LAS1L: variants seen among roughly 807,000 people sequenced by gnomAD.
LAS1L encodes the protein ribosomal biogenesis protein LAS1L.
In LAS1L, 5 loss-of-function variants were observed where a neutral mutation model predicts 57.3. That is an observed-to-expected ratio of 0.09 (90% CI 0.05 to 0.18). The LOEUF (loss-of-function observed/expected upper bound fraction) is 0.18, where lower values mean the gene tolerates loss of function less well. Among genes scored for constraint, LAS1L ranks in the 10% least tolerant of loss-of-function variants. The pLI, the probability that LAS1L is intolerant of heterozygous loss-of-function variation, is 1.00. For missense variants in LAS1L, 360 were observed against 568.3 expected (o/e 0.63, Z 3.73); for synonymous variants, 245 against 231.7 (o/e 1.06, Z -0.52).
At position 65,534,530 on chromosome X, in the gene LAS1L, G is replaced by A. The variant is rs751173128; in HGVS notation, c.186C>T (p.Asp62=). ...TAAGCGCGTACCGCTGCAACTTATG[G>A]TCGTCACAGAACAGATAAACCGTCA... is the stretch of plus-strand genomic sequence containing the variant. ...DQVTVYLFCD[D]HKLQRYALNR... The change falls in exon 1 of 14, where the codon GAC becomes GAT. Residue 62 remains aspartate (D), a synonymous_variant. Transcript: ENST00000374811. The A allele has an allele frequency of 1.2e-5, 14 of 1,207,396 alleles. No homozygotes were observed. The highest frequency in any genetic ancestry group is 1.5e-5 in the Non-Finnish European group (13 of 893,912).
chrX:65,530,395 G>A (rs2069409997), intron 4 of LAS1L, among the ~76,000 whole-genome samples: 1 of 111,712 alleles, frequency 9.0e-6, no homozygotes, highest in Non-Finnish European at 1.9e-5. Context: ...TTTAAGGGGA[G>A]TGGCCGGGCA....
Position 65,528,270 on chromosome X carries a change from A to G in LAS1L, c.946T>C (p.Cys316Arg). ...TACCTAGTTACACACCTGTTCTCGC[A>G]TGTAACGCCCTTGAGCTCTGCCAGG... ...CVLAELKGVT[C>R]ENREAVLDAF... is the part of the protein sequence containing the mutation. The change falls in exon 7 of 14, where the codon TGC becomes CGC. Residue 316 changes from cysteine to arginine, a missense_variant. Transcript: ENST00000374811. 8.4e-7 allele frequency: 1 copy of G among 1,187,848 alleles called. No individual in the cohort carries two copies.
intron 2 of LAS1L, 111 bp from the exon 3 acceptor site, chrX:65,532,741 C>T (rs1476500427): frequency 5.7e-6 from 3 of 527,409 alleles, no homozygotes; most frequent in Non-Finnish European, 1.0e-5. Context: ...CTGTCCTGTC[C>T]TATTCCTACA....
intron 13 of LAS1L, 81 bp downstream of exon 13, chrX:65,514,742 C>A: frequency 2.0e-6 from 2 of 986,274 alleles, no homozygotes; most frequent in Non-Finnish European, 2.7e-6. Flanking sequence ...CTACCTCCCC[C>A]ACCCACCTCA....
In LAS1L at chrX:65,523,847, G is replaced by C. The variant is rs1423225034; in HGVS notation, c.1301-140C>G. On this transcript the variant is annotated intron_variant, in intron 10 of 13. Transcript: ENST00000374811. ...CTCCCAACTGCTCAAAGAATTCAGG[G>C]CACTTTGCCCCAGCCCAGTTTAGTT... 9 of 808,605 alleles carry C rather than the reference G, an allele frequency of 1.1e-5. No homozygotes were observed. The East Asian group carries it at 2.8e-4, about 25-fold the overall frequency. 66.6% of individuals were successfully genotyped at this position (808,605 alleles called of 1,213,427 possible).
At chrX:65,525,556 C>T (rs1479041676) in intron 7 of LAS1L, among the ~76,000 whole-genome samples, 2 of 109,336 alleles carry the variant, frequency 1.8e-5, no homozygotes, top group Non-Finnish European at 3.8e-5. Context: ...CAAATATGGT[C>T]CATAGGCCTT....
intron 13 of LAS1L, 21 bp from the exon 14 acceptor site, chrX:65,512,922 C>G: frequency 8.6e-7 from 1 of 1,158,271 alleles, no homozygotes; most frequent in Non-Finnish European, 1.2e-6. Context: ...AGTGGGAGGT[C>G]AGTCAGGGAA....
chrX:65,517,361 C>T (rs1170127891), intron 12 of LAS1L, among the ~76,000 whole-genome samples: 4 of 109,778 alleles, frequency 3.6e-5, no homozygotes, highest in East Asian at 5.7e-4. Flanking sequence ...CATTCTCCTG[C>T]CTCAGCCTCC....
rs1458398857 is a variant in LAS1L at position 65,514,958 on chromosome X, T to C, written c.1943A>G (p.Asp648Gly). 1 of 1,206,638 alleles carries C rather than the reference T, an allele frequency of 8.3e-7. No homozygotes were observed. Among genetic ancestry groups the C allele is most frequent in the Non-Finnish European group, 1.1e-6 (1 of 893,564 alleles). Residue 648 changes from aspartate (D) to glycine (G), a missense_variant, in exon 13 of 14, where the codon GAC (aspartate) becomes GGC (glycine). Transcript: ENST00000374811. ...WQVSSEDVRW[D>G]TFPLGRMPGQ... is the part of the protein sequence containing the mutation. ...TGGCATTCGGCCTAGGGGAAATGTG[T>C]CCCATCGCACGTCTTCTGTGGAGCA...
chrX:65,534,011 T>A (rs1456029134), intron 1 of LAS1L, among the ~76,000 whole-genome samples: 1 of 111,318 alleles, frequency 9.0e-6, no homozygotes, highest in Non-Finnish European at 1.9e-5. Context: ...CACCCCCAAA[T>A]CAACTCATTG....
At chrX:65,513,078 C>T (rs1437276947) in intron 13 of LAS1L, among the ~76,000 whole-genome samples, 177 bp from the exon 14 acceptor site, 1 of 112,197 alleles carries the variant, frequency 8.9e-6, no homozygotes, top group Non-Finnish European at 1.9e-5. Flanking sequence ...TGACTTGGCC[C>T]TCTCCTCAGT....
chrX:65,533,003 T>C (rs1275538042), intron 2 of LAS1L, among the ~76,000 whole-genome samples: 1 of 111,828 alleles, frequency 8.9e-6, no homozygotes, highest in Non-Finnish European at 1.9e-5. Flanking sequence ...AAAGGGAGGA[T>C]CTCAAGGCAG....
At chrX:65,520,728 ATG>A in intron 11 of LAS1L, 1 of 754,233 alleles carries the variant, frequency 1.3e-6, no homozygotes, top group Non-Finnish European at 1.6e-6. Flanking sequence ...TACTGCCGGC[ATG>A]TGTCGCATCC....
chrX:65,516,274 CAG>C (rs1334479353), intron 12 of LAS1L, among the ~76,000 whole-genome samples: 1 of 111,480 alleles, frequency 9.0e-6, no homozygotes, highest in Admixed American at 9.5e-5. Flanking sequence ...CTCCATGATA[CAG>C]AGACACCTTC....
chrX:65,513,151 A>G (rs1244654416), intron 13 of LAS1L, among the ~76,000 whole-genome samples: 1 of 112,490 alleles, frequency 8.9e-6, no homozygotes, highest in Non-Finnish European at 1.9e-5. Context: ...GCCCTAGTAG[A>G]TAAACCAGAT....
At chrX:65,519,009 A>AG (rs1051622903) in intron 11 of LAS1L, 9 of 734,394 alleles carry the variant, frequency 1.2e-5, no homozygotes, top group Non-Finnish European at 1.4e-5. Context: ...ATGGAGGAAA[A>AG]GAAAAAAAAA....
At chrX:65,524,898 G>T in intron 8 of LAS1L, 67 bp downstream of exon 8, 1 of 947,755 alleles carries the variant, frequency 1.1e-6, no homozygotes, top group Non-Finnish European at 1.5e-6. Context: ...GGGCCCCCCA[G>T]CCCACCCCAG....
chrX:65,518,928 T>C, intron 11 of LAS1L: 1 of 753,328 alleles, frequency 1.3e-6, no homozygotes, highest in Non-Finnish European at 1.6e-6. Flanking sequence ...TGCCTGGAAG[T>C]GTTCTGTGCT....
At position 65,518,108 on chromosome X, in the gene LAS1L, CTCTTCATCA is replaced by C. The variant is rs766197666; in HGVS notation, c.1797_1805del (p.Asp599_Glu601del). The C allele has an allele frequency of 3.2e-4, 381 of 1,204,217 alleles. No homozygotes were observed. Among genetic ancestry groups the C allele is most frequent in the South Asian group, 8.1e-4 (46 of 56,655 alleles). On this transcript the variant is annotated inframe_deletion, in exon 12 of 14. Coordinates refer to ENST00000374811, the MANE Select transcript of LAS1L (RefSeq NM_031206.7). ...AAGGCCCCACCTCCATTCTGTCTTCCTCTTCATCATCTTCATCATCTTCATCCTCCTCTT... is the reference window on the plus strand; with the variant it reads ...AAGGCCCCACCTCCATTCTGTCTTCCTCTTCATCATCTTCATCCTCCTCTT...
Sources: allele counts gnomAD v4.1 joint callset (sites outside exome capture counted in the v4.1 genomes callset), GRCh38; gene constraint gnomAD v4.1.1; transcripts MANE v1.5; gene names NCBI Gene and HGNC (gene_info 2026-07-23, HGNC 2026-07-21).